Variants in CLVS1 observed in about 807,000 individuals in gnomAD.
The protein encoded by CLVS1 is clavesin 1.
A neutral mutation model predicts 33.1 loss-of-function variants in CLVS1; 10 were observed. That is an observed-to-expected ratio of 0.30 (90% CI 0.19 to 0.51). The LOEUF is 0.51. Ranked by LOEUF, CLVS1 falls within the 20% of genes least tolerant of loss-of-function variation. The probability of loss-of-function intolerance (pLI) is 0.97; values close to 1 mark genes in which losing one functional copy is unlikely to be tolerated. For synonymous variants in CLVS1, 163 were observed against 166.1 expected, an observed-to-expected ratio of 0.98 and a Z score of 0.14; for missense variants, 343 against 433.4, an observed-to-expected ratio of 0.79 and a Z score of 1.85.
intron 2 of CLVS1, among the ~76,000 whole-genome samples, chr8:61,155,294 G>C (rs1226153373): frequency 6.6e-6 from 1 of 152,106 alleles, no homozygotes; most frequent in African/African-American, 2.4e-5. Flanking sequence ...CCCAATGCAG[G>C]ATTTTCTGCA....
intron 3 of CLVS1, among the ~76,000 whole-genome samples, chr8:61,396,002 G>T (rs1029415915): frequency 2.0e-5 from 3 of 152,090 alleles, no homozygotes; most frequent in African/African-American, 7.2e-5. Context: ...GTATTGATAG[G>T]TTCCACCATT....
intron 2 of CLVS1, among the ~76,000 whole-genome samples, chr8:61,277,613 G>T (rs1248624120): frequency 6.6e-6 from 1 of 152,098 alleles, no homozygotes; most frequent in Non-Finnish European, 1.5e-5. Flanking sequence ...GGCCTCATTT[G>T]TTCTTCCCAA....
intron 1 of CLVS1, among the ~76,000 whole-genome samples, chr8:61,128,424 C>CT (rs1585630406): frequency 6.6e-6 from 1 of 152,166 alleles, no homozygotes; most frequent in African/African-American, 2.4e-5. Flanking sequence ...ATCACCTATG[C>CT]TTTTTCTGGA....
chr8:61,044,319 C>T, the CLVS1 span, among the ~76,000 whole-genome samples: 1 of 152,140 alleles, frequency 6.6e-6, no homozygotes, highest in African/African-American at 2.4e-5. Flanking sequence ...CTATTGGGCA[C>T]TTGTAGAGAC....
At chr8:61,035,187 C>CTTTTT in the CLVS1 span, among the ~76,000 whole-genome samples, 1,356 of 129,374 alleles carry the variant, frequency 0.01, 33 homozygotes, top group Non-Finnish European at 0.013. Flanking sequence ...TTTCTTTTTT[C>CTTTTT]TTTTTTTTTT....
chr8:60,997,849 T>C, the CLVS1 span, among the ~76,000 whole-genome samples: 1 of 152,328 alleles, frequency 6.6e-6, no homozygotes, highest in African/African-American at 2.4e-5. Flanking sequence ...AGGATCACCT[T>C]GAATAACTAA....
Position 61,134,717 on chromosome 8 carries a change from A to G in CLVS1, c.-152+2857A>G, listed in dbSNP as rs146467086. ...CACTCACTCTTCTGCCTCCTCTTCCACATTTAAGGACCCTTGTGGTTACAC... is the reference window on the plus strand; with the variant it reads ...CACTCACTCTTCTGCCTCCTCTTCCGCATTTAAGGACCCTTGTGGTTACAC... On this transcript the variant is annotated intron_variant, in intron 2 of 2. Coordinates refer to the CLVS1 transcript ENST00000522621. 1.2e-3 allele frequency among the ~76,000 whole-genome samples: 190 copies of G among 152,244 alleles called. 1 individual carries two copies. Among genetic ancestry groups the G allele is most frequent in the Admixed American group, 3.3e-3 (51 of 15,294 alleles).
chr8:61,498,829 C>T (rs184336222), intron 5 of CLVS1, among the ~76,000 whole-genome samples: 47 of 152,232 alleles, frequency 3.1e-4, no homozygotes, highest in African/African-American at 1.1e-3. Context: ...CCCAAGCTTC[C>T]CAGCCAGTAA....
upstream of CLVS1, among the ~76,000 whole-genome samples, chr8:61,055,775 A>G (rs1413219942): frequency 6.6e-6 from 1 of 152,256 alleles, no homozygotes; most frequent in Non-Finnish European, 1.5e-5. Flanking sequence ...AGTGTAAACT[A>G]CTACAATAGA....
chr8:61,435,661 A>G (rs1258587385), intron 3 of CLVS1, among the ~76,000 whole-genome samples: 2 of 151,936 alleles, frequency 1.3e-5, no homozygotes, highest in Non-Finnish European at 2.9e-5. Flanking sequence ...ATATGTATGT[A>G]CTTTCTGATG....
At chr8:61,051,821 A>G in the CLVS1 span, among the ~76,000 whole-genome samples, 2 of 152,102 alleles carry the variant, frequency 1.3e-5, no homozygotes, top group African/African-American at 4.8e-5. Context: ...GTGCCCCCCA[A>G]CTGCAGCTGC....
chr8:61,208,864 G>T (rs1163740624), intron 2 of CLVS1, among the ~76,000 whole-genome samples: 1 of 152,202 alleles, frequency 6.6e-6, no homozygotes, highest in Non-Finnish European at 1.5e-5. Context: ...GGGATTACAG[G>T]TGTGAGCCAG....
At chr8:61,108,438 T>G (rs1221668937) in intron 1 of CLVS1, among the ~76,000 whole-genome samples, 1 of 152,214 alleles carries the variant, frequency 6.6e-6, no homozygotes, top group South Asian at 2.1e-4. Context: ...TCTAAATGGC[T>G]CCATAGATCT....
rs1176454277 is a variant in CLVS1, at chr8:61,500,185, G to C, written c.*643G>C. On this transcript the variant is annotated 3_prime_UTR_variant, in exon 6 of 6. Transcript: ENST00000325897. ...CACATCTCTTGTCAGGTCACTAGCT[G>C]ACTGTCATGAGCTGACGTTAAAGGA... 6.6e-6 allele frequency: 1 copy of C among 152,562 alleles called. No homozygotes were observed. Among genetic ancestry groups the C allele is most frequent in the African/African-American group, 2.4e-5 (1 of 41,448 alleles). The allele number at this position is 152,562 out of a possible 1,614,324, so 9.5% of individuals were successfully genotyped here. A position where few individuals can be genotyped will look rare whatever the true frequency, so the allele number is the denominator to read the frequency against.
In CLVS1 at chr8:61,137,924, G is replaced by A. The variant is rs984077423; in HGVS notation, c.-152+6064G>A. Among the ~76,000 whole-genome samples, 36 of 152,228 alleles carry A rather than the reference G, an allele frequency of 2.4e-4. 1 individual carries two copies. Among genetic ancestry groups the A allele is most frequent in the South Asian group, 8.3e-4 (4 of 4,824 alleles). ...TTCTGGGATCTCCTCTCATGGATGC[G>A]TTCTCTCCTGCCTCCATTCATTCAT... is the stretch of plus-strand genomic sequence containing the variant. On this transcript the variant is annotated intron_variant, in intron 2 of 2. Transcript: ENST00000522621.
rs34299403 is a variant in CLVS1 at position 61,167,193 on chromosome 8, A to AT, written c.-152+35351dup. 4.2e-3 allele frequency among the ~76,000 whole-genome samples: 542 copies of AT among 128,244 alleles called. 3 individuals carry two copies. The highest frequency in any genetic ancestry group is 0.018 in the South Asian group (71 of 3,978). The allele number at this position is 128,244 out of a possible 152,430, so 84.1% of individuals were successfully genotyped here. On this transcript the variant is annotated intron_variant, in intron 2 of 2. Coordinates refer to the CLVS1 transcript ENST00000522621. The stretch of plus-strand genomic sequence containing the variant: ...TCAATCTTCCATCCAGCTTCCTTTA[A>AT]TTTTTTTTTTTTTTTTTTGAGACAG...
At chr8:61,440,731 A>G (rs1816507698) in intron 3 of CLVS1, among the ~76,000 whole-genome samples, 1 of 152,202 alleles carries the variant, frequency 6.6e-6, no homozygotes, top group Non-Finnish European at 1.5e-5. Flanking sequence ...AGAAAACTTT[A>G]TCTTCTAGTG....
the CLVS1 span, among the ~76,000 whole-genome samples, chr8:61,051,081 G>A: frequency 3.3e-5 from 5 of 152,212 alleles, no homozygotes; most frequent in African/African-American, 1.2e-4. Context: ...TCTGCAGCAT[G>A]GCTTCATTAT....
the CLVS1 span, among the ~76,000 whole-genome samples, chr8:61,010,924 C>A: frequency 6.6e-6 from 1 of 152,204 alleles, no homozygotes; most frequent in Admixed American, 6.5e-5. Flanking sequence ...GCGGTGCATC[C>A]CTACATTTCA....
Sources: allele counts gnomAD v4.1 joint callset (sites outside exome capture counted in the v4.1 genomes callset), GRCh38; gene constraint gnomAD v4.1.1; transcripts MANE v1.5; gene names NCBI Gene and HGNC (gene_info 2026-07-23, HGNC 2026-07-21).